PPFIA2: variants seen among roughly 807,000 people sequenced by gnomAD.
PPFIA2 encodes the protein liprin-alpha-2.
Under a neutral mutation model 175.5 loss-of-function variants are expected in PPFIA2, and 46 were observed. The ratio of observed to expected loss-of-function variants is 0.26; its 90% CI spans 0.21 to 0.34. The LOEUF is 0.34. PPFIA2 is among the 10% of genes least tolerant of loss of function. The pLI is 1.00. For missense variants in PPFIA2, 1,179 were observed against 1,506.1 expected, an observed-to-expected ratio of 0.78 and a Z score of 3.60; for synonymous variants, 568 against 511.4, an observed-to-expected ratio of 1.11 and a Z score of -1.49.
intron 3 of PPFIA2, among the ~76,000 whole-genome samples, chr12:81,703,741 C>T (rs943632563): frequency 6.6e-6 from 1 of 152,094 alleles, no homozygotes; most frequent in South Asian, 2.1e-4. Flanking sequence ...ATGGCTCTGA[C>T]GAGCTCACTG....
chr12:81,635,930 A>C (rs552174590), intron 4 of PPFIA2, among the ~76,000 whole-genome samples: 3 of 152,250 alleles, frequency 2.0e-5, no homozygotes, highest in East Asian at 3.9e-4. Context: ...TCACACACAC[A>C]CACACACACA....
intron 9 of PPFIA2, among the ~76,000 whole-genome samples, chr12:81,382,235 T>C (rs1421536157): frequency 6.6e-6 from 1 of 152,120 alleles, no homozygotes; most frequent in East Asian, 1.9e-4. Context: ...TCACTCCAGT[T>C]GAGCAGAGCA....
intron 7 of PPFIA2, among the ~76,000 whole-genome samples, chr12:81,418,318 T>C (rs2045668321): frequency 6.6e-6 from 1 of 151,924 alleles, no homozygotes; most frequent in South Asian, 2.1e-4. Context: ...TTTACCACTT[T>C]TCCTTACTTG....
At chr12:81,667,163 G>A (rs2070490751) in intron 4 of PPFIA2, among the ~76,000 whole-genome samples, 1 of 152,016 alleles carries the variant, frequency 6.6e-6, no homozygotes, top group Non-Finnish European at 1.5e-5. Flanking sequence ...AGTGTTCTGT[G>A]CTTTTTCTCT....
At chr12:81,425,723 C>G (rs75547828) in intron 7 of PPFIA2, among the ~76,000 whole-genome samples, 1 of 152,088 alleles carries the variant, frequency 6.6e-6, no homozygotes, top group Non-Finnish European at 1.5e-5. Context: ...AAGACTCTCT[C>G]TCTCTCTGCA....
At chr12:81,275,601 CAG>C (rs2040305823) in intron 28 of PPFIA2, among the ~76,000 whole-genome samples, 1 of 152,014 alleles carries the variant, frequency 6.6e-6, no homozygotes, top group African/African-American at 2.4e-5. Flanking sequence ...AAGATGAAAA[CAG>C]AGATTCATGC....
At chr12:81,704,559 AAGGCCCTTCAG>A (rs1421006624) in intron 3 of PPFIA2, among the ~76,000 whole-genome samples, 2 of 152,152 alleles carry the variant, frequency 1.3e-5, no homozygotes, top group African/African-American at 4.8e-5. Context: ...TCAAACACCC[AAGGCCCTTCAG>A]AAAGGGAGCA....
chr12:81,608,401 T>C (rs2060551214), intron 4 of PPFIA2, among the ~76,000 whole-genome samples: 1 of 152,124 alleles, frequency 6.6e-6, no homozygotes, highest in Non-Finnish European at 1.5e-5. Context: ...CTGGTAAAAT[T>C]CAGCTGTGAA....
At chr12:81,291,609 A>G (rs938229564) in intron 24 of PPFIA2, among the ~76,000 whole-genome samples, 2 of 152,000 alleles carry the variant, frequency 1.3e-5, no homozygotes, top group Non-Finnish European at 2.9e-5. Context: ...GGGTTGATGG[A>G]AACCTGATGC....
chr12:81,400,541 T>G (rs887621277), intron 8 of PPFIA2, among the ~76,000 whole-genome samples: 1 of 152,190 alleles, frequency 6.6e-6, no homozygotes, highest in Admixed American at 6.6e-5. Context: ...CCATAATTCT[T>G]CTATCTGACA....
At chr12:81,384,325 C>T in intron 8 of PPFIA2, 81 bp from the exon 9 acceptor site, 1 of 995,240 alleles carries the variant, frequency 1.0e-6, no homozygotes, top group Admixed American at 3.2e-5. Context: ...AGAAATTAAA[C>T]TGACACTGCT....
At chr12:81,453,369 A>G (rs1385118643) in intron 5 of PPFIA2, among the ~76,000 whole-genome samples, 1 of 152,154 alleles carries the variant, frequency 6.6e-6, no homozygotes, top group Non-Finnish European at 1.5e-5. Context: ...TTCACAGGCA[A>G]TAACTATACA....
chr12:81,617,212 T>C (rs1364037818), intron 4 of PPFIA2, among the ~76,000 whole-genome samples: 3 of 152,244 alleles, frequency 2.0e-5, no homozygotes, highest in African/African-American at 7.2e-5. Flanking sequence ...TCTTTCTAAA[T>C]TTATTTTTGC....
At chr12:81,373,953 C>CATAT (rs978998145) in intron 11 of PPFIA2, among the ~76,000 whole-genome samples, 2 of 152,026 alleles carry the variant, frequency 1.3e-5, no homozygotes, top group African/African-American at 4.8e-5. Flanking sequence ...TAACTTGTGA[C>CATAT]ATATACATAC....
At chr12:81,595,792 T>C (rs61937278) in intron 4 of PPFIA2, among the ~76,000 whole-genome samples, 2 of 152,120 alleles carry the variant, frequency 1.3e-5, no homozygotes, top group Non-Finnish European at 2.9e-5. Context: ...TAGCATACCA[T>C]GTCAGAAAAA....
chr12:81,494,963 A>G (rs1593971412), intron 4 of PPFIA2, among the ~76,000 whole-genome samples: 3 of 92,136 alleles, frequency 3.3e-5, no homozygotes, highest in African/African-American at 4.3e-5. Context: ...GGGAGGGGGG[A>G]GGGATAGCAT....
chr12:81,324,048 T>C (rs2054230682), intron 22 of PPFIA2, among the ~76,000 whole-genome samples: 1 of 152,012 alleles, frequency 6.6e-6, no homozygotes, highest in Non-Finnish European at 1.5e-5. Context: ...TTCTTAATAT[T>C]AAAAGCAAGT....
intron 4 of PPFIA2, among the ~76,000 whole-genome samples, chr12:81,459,607 G>A (rs566422580): frequency 5.8e-4 from 88 of 151,978 alleles, no homozygotes; most frequent in Admixed American, 1.4e-3. Flanking sequence ...ATATGTTTTC[G>A]TGCTTTGAAA....
At chr12:81,354,254 A>C (rs1267683764) in intron 16 of PPFIA2, among the ~76,000 whole-genome samples, 2 of 152,220 alleles carry the variant, frequency 1.3e-5, no homozygotes, top group African/African-American at 4.8e-5. Flanking sequence ...CATGGAATGC[A>C]GTTTGATAGC....
Sources: gnomAD v4.1 joint callset for allele counts (sites outside exome capture counted in the v4.1 genomes callset) on GRCh38, gnomAD v4.1.1 for gene constraint, MANE v1.5 for transcripts, NCBI Gene and HGNC (gene_info 2026-07-23, HGNC 2026-07-21) for gene names.